FBXO46: variants seen among roughly 807,000 people sequenced by gnomAD.
FBXO46 encodes the protein F-box only protein 46.
Under a neutral mutation model 30.7 loss-of-function variants are expected in FBXO46, and 13 were observed. The ratio of observed to expected loss-of-function variants is 0.42; its 90% CI spans 0.28 to 0.67. The LOEUF (loss-of-function observed/expected upper bound fraction) is 0.67, where lower values mean the gene tolerates loss of function less well. Among genes scored for constraint, FBXO46 ranks in the 30% least tolerant of loss-of-function variants. The pLI is 0.21. For synonymous variants in FBXO46, 467 were observed against 385.8 expected (o/e 1.21, Z -2.47); for missense variants, 754 against 871.5 (o/e 0.87, Z 1.70).
chr19:45,721,228 A>G (rs1438783700), intron 1 of FBXO46, among the ~76,000 whole-genome samples: 1 of 151,118 alleles, frequency 6.6e-6, no homozygotes, highest in African/African-American at 2.4e-5. Flanking sequence ...GCCTGCAGTC[A>G]CAGCTACTCG....
chr19:45,722,139 C>T (rs1290729458), intron 1 of FBXO46, among the ~76,000 whole-genome samples: 1 of 152,142 alleles, frequency 6.6e-6, no homozygotes, highest in African/African-American at 2.4e-5. Context: ...TATGCCCTAC[C>T]CTGCTGCTCC....
Position 45,712,346 on chromosome 19 carries a change from C to T in FBXO46, c.1150G>A (p.Gly384Ser), listed in dbSNP as rs984787955. The change falls in exon 2 of 2, where the codon GGC becomes AGC. Residue 384 changes from glycine to serine, a missense_variant. This residue lies in a region of FBXO46 where 454 missense variants were observed against 426.5 expected (regional missense o/e 1.06). Coordinates refer to ENST00000317683, the MANE Select transcript of FBXO46 (RefSeq NM_001080469.2). This position sits in a 1 kb window ranked among gnomAD's most constrained non-coding sequence, Gnocchi z 8.8. ...VDECIFFGKDGTKNVKEETVC... is the reference protein window; with the variant it reads ...VDECIFFGKDSTKNVKEETVC... ...GTCTCCTCCTTCACGTTCTTGGTGC[C>T]GTCCTTGCCAAAGAAGATGCACTCA... The T allele has an allele frequency of 2.5e-6, 4 of 1,601,586 alleles. No homozygotes were observed. Among genetic ancestry groups the T allele is most frequent in the Admixed American group, 1.7e-5 (1 of 60,000 alleles).
chr19:45,719,900 C>A (rs963474722), intron 1 of FBXO46, among the ~76,000 whole-genome samples: 12 of 152,196 alleles, frequency 7.9e-5, no homozygotes, highest in African/African-American at 2.9e-4. Context: ...CTTCTATCTC[C>A]TATTTTTAAT....
At chr19:45,725,281 G>A (rs1478560698) in intron 1 of FBXO46, among the ~76,000 whole-genome samples, 1 of 152,022 alleles carries the variant, frequency 6.6e-6, no homozygotes, top group African/African-American at 2.4e-5. Context: ...CAGGTGTGGT[G>A]GCATGCCCCT....
chr19:45,721,423 C>T (rs1477191876), intron 1 of FBXO46, among the ~76,000 whole-genome samples: 1 of 150,600 alleles, frequency 6.6e-6, no homozygotes, highest in Non-Finnish European at 1.5e-5. Context: ...ACCCCACTTC[C>T]CCATCCCCAC....
chr19:45,714,268 C>T (rs1968053895), intron 1 of FBXO46: 1 of 152,196 alleles, frequency 6.6e-6, no homozygotes, highest in Admixed American at 6.5e-5. Context: ...CCCAGCCCCA[C>T]CCACAGCTAT....
Position 45,711,601 on chromosome 19 carries a change from AGGCGGCCCAGTCCGGACCCTC to A in FBXO46, c.*62_*82del. 1 of 1,051,608 alleles carries A rather than the reference AGGCGGCCCAGTCCGGACCCTC, an allele frequency of 9.5e-7. No individual in the cohort carries two copies. The highest frequency in any genetic ancestry group is 1.4e-6 in the Non-Finnish European group (1 of 705,114). 65.1% of individuals were successfully genotyped at this position (1,051,608 alleles called of 1,614,324 possible). A position where few individuals can be genotyped will look rare whatever the true frequency, so the allele number is the denominator to read the frequency against. ...TGCTGCCTGGAGTAGGGGAATGGGC[AGGCGGCCCAGTCCGGACCCTC>A]GGCTCCCGGGGGGAGAGGGGAGGGG... On this transcript the variant is annotated 3_prime_UTR_variant, in exon 2 of 2. Transcript: ENST00000317683.
In FBXO46 at chr19:45,713,293, T is replaced by C; in HGVS notation, c.203A>G (p.Gln68Arg). The stretch of plus-strand genomic sequence containing the variant: ...TGCTGCTGAGAGGAGCGGAGCCGGC[T>C]GGGAGGCAGGGACCTCAGTGGCCAA... ...PALATEVPASQPAPLLSAAAA... is the reference protein window; with the variant it reads ...PALATEVPASRPAPLLSAAAA... Residue 68 changes from glutamine (Q) to arginine (R), a missense_variant, in exon 2 of 2, where the codon CAG becomes CGG. Gln to Arg is a conservative substitution (Grantham distance 43). Around this residue, in one of 5 missense-constraint regions of FBXO46, gnomAD observed 97 missense variants for 113.0 expected, o/e 0.86. Coordinates refer to ENST00000317683, the MANE Select transcript of FBXO46 (RefSeq NM_001080469.2). The surrounding 1 kb of genome is among the most constrained non-coding windows in gnomAD (Gnocchi z 4.7). 1 of 1,613,680 alleles carries C rather than the reference T, an allele frequency of 6.2e-7. No homozygotes were observed. Among genetic ancestry groups the C allele is most frequent in the Non-Finnish European group, 8.5e-7 (1 of 1,179,754 alleles).
intron 1 of FBXO46, among the ~76,000 whole-genome samples, chr19:45,718,138 C>A (rs1186972113): frequency 6.6e-6 from 1 of 152,208 alleles, no homozygotes. Flanking sequence ...CCTCCCCACT[C>A]CTCCGCCCCG....
Position 45,713,449 on chromosome 19 carries a change from G to A in FBXO46, c.47C>T (p.Pro16Leu). 1 of 1,593,902 alleles carries A rather than the reference G, an allele frequency of 6.3e-7. No individual in the cohort carries two copies. Among genetic ancestry groups the A allele is most frequent in the Non-Finnish European group, 8.6e-7 (1 of 1,166,152 alleles). Residue 16 changes from proline (P) to leucine (L), a missense_variant, in exon 2 of 2, where the codon CCC becomes CTC. Pro to Leu is a moderately conservative substitution (Grantham distance 98, BLOSUM62 -3). Transcript: ENST00000317683. The surrounding 1 kb of genome is among the most constrained non-coding windows in gnomAD (Gnocchi z 4.7). The stretch of plus-strand genomic sequence containing the variant: ...CTGGTTCTGTGAGTAGGTGCCAAAG[G>A]GCCGGGGGCACCATAGCTGGAAGGG... ...LLPFQLWCPR[P>L]FGTYSQNQPR...
At chr19:45,732,570 TTTTC>T (rs1428188722), upstream of FBXO46, among the ~76,000 whole-genome samples, 1 of 146,294 alleles carries the variant, frequency 6.8e-6, no homozygotes, top group African/African-American at 2.5e-5. Flanking sequence ...CTTTTATTCT[TTTTC>T]TTTCTTTTTT....
intron 1 of FBXO46, among the ~76,000 whole-genome samples, chr19:45,727,415 G>A (rs1968254157): frequency 6.6e-6 from 1 of 151,926 alleles, no homozygotes; most frequent in African/African-American, 2.4e-5. Flanking sequence ...AAAATTAGCT[G>A]GGCGTGGTGA....
intron 1 of FBXO46, among the ~76,000 whole-genome samples, chr19:45,724,151 G>A (rs1968208543): frequency 6.6e-6 from 1 of 152,116 alleles, no homozygotes; most frequent in African/African-American, 2.4e-5. Flanking sequence ...AATGCTCTAA[G>A]ACAAATAAAT....
chr19:45,722,710 C>T (rs1600364679), intron 1 of FBXO46, among the ~76,000 whole-genome samples: 1 of 150,292 alleles, frequency 6.7e-6, no homozygotes, highest in Middle Eastern at 3.5e-3. Flanking sequence ...TGCAGTGAGC[C>T]GAGATTGCGC....
intron 1 of FBXO46, among the ~76,000 whole-genome samples, chr19:45,725,788 C>A (rs979624343): frequency 3.9e-5 from 6 of 151,958 alleles, no homozygotes; most frequent in Admixed American, 6.6e-5. Flanking sequence ...AGGAATGAAC[C>A]CCATTTTCCA....
chr19:45,717,992 C>A (rs1451226838), intron 1 of FBXO46, among the ~76,000 whole-genome samples: 1 of 152,142 alleles, frequency 6.6e-6, no homozygotes, highest in African/African-American at 2.4e-5. Context: ...TCACTTAGTA[C>A]AAAAGAGCAG....
Position 45,712,723 on chromosome 19 carries a change from T to A in FBXO46, c.773A>T (p.Glu258Val). The A allele has an allele frequency of 6.2e-7, 1 of 1,612,010 alleles. No homozygotes were observed. The highest frequency in any genetic ancestry group is 8.5e-7 in the Non-Finnish European group (1 of 1,179,234). ...KEERPGPGPGEVRIAFRISNG... is the reference protein window; with the variant it reads ...KEERPGPGPGVVRIAFRISNG... The stretch of plus-strand genomic sequence containing the variant: ...GGAGATGCGGAAGGCGATGCGCACC[T>A]CCCCAGGGCCTGGCCCGGGCCGCTC... The change falls in exon 2 of 2, where the codon GAG becomes GTG. Residue 258 changes from glutamate (E) to valine (V), a missense_variant. Around this residue, in one of 5 missense-constraint regions of FBXO46, gnomAD observed 454 missense variants for 426.5 expected, o/e 1.06. Coordinates refer to ENST00000317683, the MANE Select transcript of FBXO46 (RefSeq NM_001080469.2). The surrounding 1 kb of genome is among the most constrained non-coding windows in gnomAD (Gnocchi z 8.8).
intron 1 of FBXO46, among the ~76,000 whole-genome samples, chr19:45,721,000 CAAAAAA>C (rs11326838): frequency 9.3e-6 from 1 of 107,640 alleles, no homozygotes. Flanking sequence ...GACTCTCAGC[CAAAAAA>C]AAAAAAAAAA....
chr19:45,713,007 G>T lies in FBXO46; in HGVS notation c.489C>A (p.Ala163=). The T allele has an allele frequency of 1.9e-6, 3 of 1,556,892 alleles. No individual in the cohort carries two copies. The highest frequency in any genetic ancestry group is 2.0e-5 in the Admixed American group (1 of 50,982). ...CAGAGAGCAGGTCCACGTCCTCACC[G>T]GCTGAGGCGGGGCCCTCCTCAGCAG... ...PPAAEEGPAS[A]GEDVDLLSVA... is the part of the protein sequence containing the mutation. Residue 163 remains alanine (A), a synonymous_variant, in exon 2 of 2, where the codon GCC becomes GCA. Transcript: ENST00000317683. This position sits in a 1 kb window ranked among gnomAD's most constrained non-coding sequence, Gnocchi z 4.7.
Sources: allele counts gnomAD v4.1 joint callset (sites outside exome capture counted in the v4.1 genomes callset), GRCh38; gene constraint gnomAD v4.1.1; regional missense constraint gnomAD v4.1.1; non-coding constraint Gnocchi (gnomAD v3.1); transcripts MANE v1.5; gene names NCBI Gene and HGNC (gene_info 2026-07-23, HGNC 2026-07-21).